The following PDE7B variants were observed in gnomAD, a reference collection of about 807,000 sequenced individuals.
PDE7B encodes the protein phosphodiesterase 7B.
PDE7B carries 29 observed loss-of-function variants against 56.2 expected under a neutral mutation model. The observed-to-expected ratio is 0.52, with a 90% CI of 0.38 to 0.70. The LOEUF is 0.70. Ranked by LOEUF, PDE7B falls within the 30% of genes least tolerant of loss-of-function variation. The probability of loss-of-function intolerance (pLI) is 0.00; values close to 1 mark genes in which losing one functional copy is unlikely to be tolerated. For missense variants in PDE7B, 490 were observed against 565.0 expected (o/e 0.87, Z 1.35); for synonymous variants, 197 against 196.9 (o/e 1.00, Z 0.00).
chr6:136,167,357 G>A (rs908058444), intron 8 of PDE7B, among the ~76,000 whole-genome samples: 1 of 152,112 alleles, frequency 6.6e-6, no homozygotes, highest in African/African-American at 2.4e-5. Flanking sequence ...GTCATGGGGG[G>A]GAACAGTGGG....
Position 135,937,557 on chromosome 6 carries a change from T to A in PDE7B, c.22-9907T>A, listed in dbSNP as rs139215021. ...CCTCCAACCTTCACTGAAGACTTGT[T>A]TAATACTAGTTTCTCTCTCCCCTAC... On this transcript the variant is annotated intron_variant, in intron 1 of 12. Transcript: ENST00000308191. Among the ~76,000 whole-genome samples the A allele has an allele frequency of 5.3e-5, 8 of 152,360 alleles. No individual in the cohort carries two copies. The East Asian group carries it at 1.2e-3, about 22-fold the overall frequency.
At chr6:135,873,942 C>T (rs1188618817) in intron 1 of PDE7B, among the ~76,000 whole-genome samples, 2 of 152,128 alleles carry the variant, frequency 1.3e-5, no homozygotes, top group Non-Finnish European at 2.9e-5. Flanking sequence ...TAGGCACCTG[C>T]AGATTCAGCA....
At chr6:135,870,093 C>T (rs1471550507) in intron 1 of PDE7B, among the ~76,000 whole-genome samples, 1 of 152,136 alleles carries the variant, frequency 6.6e-6, no homozygotes, top group Non-Finnish European at 1.5e-5. Context: ...TCAGCCTAGG[C>T]TAGGGACGAC....
At chr6:135,852,146 C>T in intron 1 of PDE7B, 127 bp downstream of exon 1, 1 of 711,736 alleles carries the variant, frequency 1.4e-6, no homozygotes, top group Non-Finnish European at 2.5e-6. Context: ...ATTGTTACTA[C>T]AGCAACCAGC....
chr6:136,030,860 T>C (rs981926474), intron 2 of PDE7B, among the ~76,000 whole-genome samples: 3 of 152,202 alleles, frequency 2.0e-5, no homozygotes, highest in African/African-American at 7.2e-5. Flanking sequence ...CATTTGACAT[T>C]TGATGAGAAA....
At chr6:135,934,966 TATTTCTCTATATATTTTATATA>T (rs1774382400) in intron 1 of PDE7B, among the ~76,000 whole-genome samples, 1 of 63,494 alleles carries the variant, frequency 1.6e-5, no homozygotes, top group Non-Finnish European at 3.0e-5. Context: ...ATAATATATA[TATTTCTCTATATATTTTATATA>T]GAGATGAAGT....
chr6:136,065,613 T>C (rs898489210), intron 2 of PDE7B, among the ~76,000 whole-genome samples: 1 of 152,176 alleles, frequency 6.6e-6, no homozygotes, highest in African/African-American at 2.4e-5. Context: ...GCCATACATG[T>C]TGCTTTCCAA....
intron 1 of PDE7B, among the ~76,000 whole-genome samples, chr6:135,916,257 A>G (rs1332366765): frequency 5.9e-5 from 9 of 151,998 alleles, no homozygotes; most frequent in Non-Finnish European, 1.5e-5. Flanking sequence ...TAGCCATTCT[A>G]ATGGGTGTGT....
At chr6:135,875,789 T>G (rs1345022802) in intron 1 of PDE7B, among the ~76,000 whole-genome samples, 1 of 152,132 alleles carries the variant, frequency 6.6e-6, no homozygotes, top group East Asian at 1.9e-4. Context: ...ATTCTCTAGG[T>G]TTTCGTTATT....
chr6:136,047,286 A>G (rs188147038), intron 2 of PDE7B: 6 of 152,346 alleles, frequency 3.9e-5, no homozygotes, highest in African/African-American at 1.4e-4. Flanking sequence ...TAATACATGA[A>G]AAAAGATGTG....
At chr6:136,153,887 T>G (rs1288277329) in intron 6 of PDE7B, among the ~76,000 whole-genome samples, 188 bp from the exon 7 acceptor site, 1 of 152,196 alleles carries the variant, frequency 6.6e-6, no homozygotes, top group African/African-American at 2.4e-5. Flanking sequence ...TGTCCATCTC[T>G]GCTCTCTGCT....
At chr6:135,980,992 TA>T (rs1775283941) in intron 2 of PDE7B, among the ~76,000 whole-genome samples, 1 of 149,684 alleles carries the variant, frequency 6.7e-6, no homozygotes, top group Non-Finnish European at 1.5e-5. Flanking sequence ...CACGTATGTT[TA>T]TTGCGGCATT....
intron 2 of PDE7B, among the ~76,000 whole-genome samples, chr6:136,073,784 C>G (rs910134617): frequency 6.6e-6 from 1 of 152,162 alleles, no homozygotes; most frequent in African/African-American, 2.4e-5. Flanking sequence ...AATACACCAC[C>G]ACATGTATCA....
At chr6:136,180,101 G>A (rs1317849631) in intron 10 of PDE7B, among the ~76,000 whole-genome samples, 6 of 152,198 alleles carry the variant, frequency 3.9e-5, no homozygotes, top group African/African-American at 1.2e-4. Context: ...AGCTACACCT[G>A]GAGATTGAAT....
chr6:135,901,977 A>C (rs1218365054), intron 1 of PDE7B, among the ~76,000 whole-genome samples: 1 of 152,066 alleles, frequency 6.6e-6, no homozygotes, highest in East Asian at 1.9e-4. Flanking sequence ...TTCAGCTTCC[A>C]TATCTGGTTG....
chr6:136,111,185 A>C (rs1045381930), intron 3 of PDE7B: 1 of 152,104 alleles, frequency 6.6e-6, no homozygotes, highest in Admixed American at 6.6e-5. Context: ...TAATGTATCA[A>C]AGACACCCCA....
intron 2 of PDE7B, among the ~76,000 whole-genome samples, chr6:136,108,252 G>A (rs982818332): frequency 1.3e-5 from 2 of 152,094 alleles, no homozygotes; most frequent in Non-Finnish European, 2.9e-5. Flanking sequence ...AGCAAGGCTA[G>A]CCTGTGAGCC....
intron 1 of PDE7B, among the ~76,000 whole-genome samples, chr6:135,935,392 C>G (rs1191969051): frequency 6.6e-6 from 1 of 150,532 alleles, no homozygotes; most frequent in Non-Finnish European, 1.5e-5. Context: ...GGCATCAAAA[C>G]TTGTAATCTG....
chr6:135,870,697 C>G (rs952418324), intron 1 of PDE7B, among the ~76,000 whole-genome samples: 17 of 151,928 alleles, frequency 1.1e-4, no homozygotes, highest in African/African-American at 3.9e-4. Flanking sequence ...AGGACACATT[C>G]AGCTTGAGAG....
Sources: gnomAD v4.1 joint callset for allele counts (sites outside exome capture counted in the v4.1 genomes callset) on GRCh38, gnomAD v4.1.1 for gene constraint, MANE v1.5 for transcripts, NCBI Gene and HGNC (gene_info 2026-07-23, HGNC 2026-07-21) for gene names.